APBB1IP: variants seen among roughly 807,000 people sequenced by gnomAD.
The protein encoded by APBB1IP is amyloid beta precursor protein binding family B member 1 interacting protein.
A neutral mutation model predicts 64.9 loss-of-function variants in APBB1IP; 27 were observed. The ratio of observed to expected loss-of-function variants is 0.42; its 90% CI spans 0.31 to 0.57. APBB1IP has a LOEUF of 0.57. APBB1IP is among the 20% of genes least tolerant of loss of function. APBB1IP has a pLI of 0.20. For synonymous variants in APBB1IP, 392 were observed against 331.0 expected (o/e 1.18, Z -2.00); for missense variants, 812 against 845.5 (o/e 0.96, Z 0.49).
At chr10:26,566,921 A>C in intron 14 of APBB1IP, 40 bp from the exon 15 acceptor site, 1 of 1,523,288 alleles carries the variant, frequency 6.6e-7, no homozygotes, top group Non-Finnish European at 8.7e-7. Context: ...AAATTTCAAA[A>C]ATTAAAAAAA....
At chr10:26,469,186 G>A (rs1392467864) in intron 2 of APBB1IP, among the ~76,000 whole-genome samples, 1 of 147,530 alleles carries the variant, frequency 6.8e-6, no homozygotes, top group Non-Finnish European at 1.5e-5. Flanking sequence ...TTGTATAGCT[G>A]TACAAAAATA....
At chr10:26,491,825 A>C (rs1036445876) in intron 2 of APBB1IP, among the ~76,000 whole-genome samples, 11 of 142,302 alleles carry the variant, frequency 7.7e-5, no homozygotes, top group Admixed American at 1.5e-4. Flanking sequence ...GCAGTGGCGC[A>C]ATCTCGGCTC....
At chr10:26,441,746 A>C (rs1238707459) in intron 2 of APBB1IP, among the ~76,000 whole-genome samples, 1 of 152,204 alleles carries the variant, frequency 6.6e-6, no homozygotes, top group African/African-American at 2.4e-5. Flanking sequence ...TCCGTGACTC[A>C]GTTTTAAAAC....
At chr10:26,468,750 T>C (rs976047969) in intron 2 of APBB1IP, among the ~76,000 whole-genome samples, 1 of 152,224 alleles carries the variant, frequency 6.6e-6, no homozygotes, top group Non-Finnish European at 1.5e-5. Context: ...CAAGCCCAGC[T>C]CATCGGCTCT....
chr10:26,536,093 C>A lies in APBB1IP; in HGVS notation c.920C>A (p.Ser307Tyr), dbSNP rs2132465268. ...SLLEESFCGTSIIVPELEGAL... is the reference protein window; with the variant it reads ...SLLEESFCGTYIIVPELEGAL... ...TTTCAGGAAAGTTTCTGTGGAACAT[C>A]TATCATTGTACCAGAACTGGAAGGA... Residue 307 changes from serine to tyrosine, a missense_variant, in exon 10 of 15, where the codon TCT (serine) becomes TAT (tyrosine). By Grantham distance (144) the Ser-to-Tyr change is moderately radical. Transcript: ENST00000376236. The A allele has an allele frequency of 6.3e-7, 1 of 1,593,310 alleles. No homozygotes were observed. Among genetic ancestry groups the A allele is most frequent in the Non-Finnish European group, 8.5e-7 (1 of 1,173,418 alleles).
chr10:26,539,616 T>C (rs1836672796), intron 10 of APBB1IP, among the ~76,000 whole-genome samples: 1 of 152,070 alleles, frequency 6.6e-6, no homozygotes, highest in Admixed American at 6.5e-5. Flanking sequence ...AATGGCCAGA[T>C]TTGACCTGAT....
In APBB1IP at chr10:26,517,802, G is replaced by A. The variant is rs1047651705; in HGVS notation, c.813+4142G>A. On this transcript the variant is annotated intron_variant, in intron 8 of 14. Transcript: ENST00000376236. ...TGTCTTGCTGATGGATATTTGACTT[G>A]TTTCTAGCGTGGGGCTTTAACAAGT... 5.3e-5 allele frequency among the ~76,000 whole-genome samples: 8 copies of A among 152,190 alleles called. No individual in the cohort carries two copies. In the South Asian group the frequency reaches 8.3e-4, roughly 16 times the overall value.
rs114321952 is a variant in APBB1IP, at chr10:26,557,472, T to C, written c.1156-2633T>C. Among the ~76,000 whole-genome samples the C allele has an allele frequency of 4.8e-3, 729 of 152,368 alleles. 4 individuals carry two copies. The highest frequency in any genetic ancestry group is 0.017 in the African/African-American group (698 of 41,592). Reference sequence around the variant, plus strand: ...AGACAAAAATATGAGTAGAGTTTCCTCAGTTGCCTGAAAAGACCAAAGAGA... The same window carrying C: ...AGACAAAAATATGAGTAGAGTTTCCCCAGTTGCCTGAAAAGACCAAAGAGA... On this transcript the variant is annotated intron_variant, in intron 11 of 14. Coordinates refer to ENST00000376236, the MANE Select transcript of APBB1IP (RefSeq NM_019043.4).
chr10:26,452,589 C>T (rs10047348), intron 2 of APBB1IP, among the ~76,000 whole-genome samples: 60,449 of 151,746 alleles, frequency 0.4, 12,130 homozygotes, highest in South Asian at 0.5. Context: ...GTCACTATCT[C>T]ATAGAATTGT....
chr10:26,479,906 C>T (rs187910077), intron 2 of APBB1IP, among the ~76,000 whole-genome samples: 70 of 152,298 alleles, frequency 4.6e-4, no homozygotes, highest in African/African-American at 1.7e-3. Context: ...CTAGCTCTGG[C>T]GGTACTTCTT....
intron 11 of APBB1IP, among the ~76,000 whole-genome samples, chr10:26,552,273 G>A (rs779302991): frequency 4.6e-5 from 7 of 152,048 alleles, no homozygotes; most frequent in Admixed American, 1.3e-4. Flanking sequence ...CACTCCAGCC[G>A]GGGCAACAGA....
intron 14 of APBB1IP, among the ~76,000 whole-genome samples, chr10:26,563,010 C>T (rs1412271011): frequency 1.3e-5 from 2 of 152,082 alleles, no homozygotes; most frequent in Non-Finnish European, 1.5e-5. Flanking sequence ...TTACTTTGAC[C>T]AAAGTGGTTT....
intron 11 of APBB1IP, 117 bp downstream of exon 11, chr10:26,541,809 C>A: frequency 4.4e-6 from 3 of 685,506 alleles, no homozygotes; most frequent in Non-Finnish European, 6.9e-6. Flanking sequence ...AATTGTTTAA[C>A]CAAAATAGGA....
chr10:26,513,636 A>G lies in APBB1IP; in HGVS notation c.789A>G (p.Lys263=). The change falls in exon 8 of 15, where the codon AAA becomes AAG. Residue 263 remains lysine (K), a synonymous_variant. Coordinates refer to ENST00000376236, the MANE Select transcript of APBB1IP (RefSeq NM_019043.4). The part of the protein sequence containing the change: ...NKILFLEKEE[K]YAVFKNPQNF... The stretch of plus-strand genomic sequence containing the variant: ...TACTATTTTTGGAGAAAGAGGAGAA[A>G]TATGCTGTATTTAAAAACCCCCAGG... 6.2e-7 allele frequency: 1 copy of G among 1,613,050 alleles called. No homozygotes were observed. Among genetic ancestry groups the G allele is most frequent in the Non-Finnish European group, 8.5e-7 (1 of 1,179,734 alleles).
rs1836265192 is a variant in APBB1IP, at chr10:26,511,863, T to C, written c.648T>C (p.Asn216=). The change falls in exon 7 of 15, where the codon AAT becomes AAC. Residue 216 remains asparagine, a synonymous_variant. Coordinates refer to ENST00000376236, the MANE Select transcript of APBB1IP (RefSeq NM_019043.4). ...TCGAGAAAACTCATTGTGACTGCAA[T>C]GTAGACTGGTGTCTTTATGAAATCT... is the stretch of plus-strand genomic sequence containing the variant. ...NLFEKTHCDC[N]VDWCLYEIYP... 6 of 1,614,238 alleles carry C rather than the reference T, an allele frequency of 3.7e-6. No individual in the cohort carries two copies. The South Asian group carries it at 5.5e-5, about 15-fold the overall frequency.
intron 8 of APBB1IP, among the ~76,000 whole-genome samples, chr10:26,519,396 A>G (rs1836374366): frequency 1.3e-5 from 2 of 152,162 alleles, no homozygotes; most frequent in Admixed American, 1.3e-4. Context: ...ACTTTCAATC[A>G]TGGCAGAGGG....
chr10:26,564,569 G>A (rs1012554191), intron 14 of APBB1IP, among the ~76,000 whole-genome samples: 2 of 152,158 alleles, frequency 1.3e-5, no homozygotes, highest in African/African-American at 2.4e-5. Flanking sequence ...TTGGGAGGCC[G>A]AGGCAGGCGG....
At position 26,555,542 on chromosome 10, in the gene APBB1IP, A is replaced by C. The variant is rs150195041; in HGVS notation, c.1156-4563A>C. Among the ~76,000 whole-genome samples, 725 of 152,172 alleles carry C rather than the reference A, an allele frequency of 4.8e-3. 4 individuals carry two copies. Among genetic ancestry groups the C allele is most frequent in the African/African-American group, 0.017 (693 of 41,518 alleles). On this transcript the variant is annotated intron_variant, in intron 11 of 14. Coordinates refer to ENST00000376236, the MANE Select transcript of APBB1IP (RefSeq NM_019043.4). ...GGTGTTTACATACATCTCTCCCTAA[A>C]ACACCTCCAGGGAGCATTGCCCAAT...
chr10:26,521,268 GCA>G (rs1354747780), intron 8 of APBB1IP, among the ~76,000 whole-genome samples: 1 of 152,138 alleles, frequency 6.6e-6, no homozygotes, highest in Admixed American at 6.5e-5. Context: ...AAATCTGAGT[GCA>G]CAGACACTGT....
Sources: allele counts gnomAD v4.1 joint callset (sites outside exome capture counted in the v4.1 genomes callset), GRCh38; gene constraint gnomAD v4.1.1; transcripts MANE v1.5; gene names NCBI Gene and HGNC (gene_info 2026-07-23, HGNC 2026-07-21).